The following CLIP1 variants were observed in gnomAD, a reference collection of about 807,000 sequenced individuals.
The protein encoded by CLIP1 is CAP-Gly domain containing linker protein 1, also known as CAP-Gly domain-containing linker protein 1.
In CLIP1, 66 loss-of-function variants were observed where a neutral mutation model predicts 161.6. That is an observed-to-expected ratio of 0.41 (90% CI 0.33 to 0.50). The LOEUF (loss-of-function observed/expected upper bound fraction) is 0.50, where lower values mean the gene tolerates loss of function less well. Ranked by LOEUF, CLIP1 falls within the 20% of genes least tolerant of loss-of-function variation. CLIP1 has a pLI of 0.27. For missense variants in CLIP1, 1,376 were observed against 1,702.0 expected (o/e 0.81, Z 3.37); for synonymous variants, 598 against 626.2 (o/e 0.96, Z 0.67).
chr12:122,360,478 T>C (rs1050112598), intron 5 of CLIP1, among the ~76,000 whole-genome samples: 50 of 150,394 alleles, frequency 3.3e-4, no homozygotes, highest in Admixed American at 2.0e-4. Context: ...TCCCAACTAC[T>C]GGGGAGGCTG....
At chr12:122,292,568 G>A (rs755915195) in intron 20 of CLIP1, among the ~76,000 whole-genome samples, 6 of 152,076 alleles carry the variant, frequency 3.9e-5, no homozygotes, top group Admixed American at 6.6e-5. Flanking sequence ...ATGCACTTCT[G>A]ACTCCTTTAG....
At chr12:122,373,354 C>T (rs558825246) in intron 3 of CLIP1, among the ~76,000 whole-genome samples, 2 of 151,306 alleles carry the variant, frequency 1.3e-5, no homozygotes, top group Admixed American at 1.3e-4. Flanking sequence ...ACCCGGCAGG[C>T]AGAGGTTGCA....
intron 1 of CLIP1, among the ~76,000 whole-genome samples, chr12:122,405,767 A>C (rs1956307176): frequency 6.7e-6 from 1 of 150,048 alleles, no homozygotes; most frequent in Non-Finnish European, 1.5e-5. Flanking sequence ...TCTCAAAAAA[A>C]AAAACAAAAA....
chr12:122,330,127 CA>C (rs948031191), intron 15 of CLIP1, among the ~76,000 whole-genome samples: 1 of 151,076 alleles, frequency 6.6e-6, no homozygotes, highest in African/African-American at 2.4e-5. Context: ...CAAAAAAAAA[CA>C]AAAAACAAAA....
intron 1 of CLIP1, among the ~76,000 whole-genome samples, chr12:122,402,820 G>A (rs1394866895): frequency 3.9e-5 from 6 of 152,036 alleles, no homozygotes; most frequent in Admixed American, 3.9e-4. Context: ...ATATCACCTC[G>A]TCTCTAACAA....
chr12:122,288,266 C>T (rs889330332), intron 21 of CLIP1, among the ~76,000 whole-genome samples: 6 of 152,040 alleles, frequency 3.9e-5, no homozygotes, highest in Admixed American at 1.3e-4. Context: ...ACTCGTGATC[C>T]GCCAGCCTTG....
intron 18 of CLIP1, among the ~76,000 whole-genome samples, chr12:122,317,145 A>G (rs1371561457): frequency 6.6e-6 from 1 of 152,226 alleles, no homozygotes; most frequent in Non-Finnish European, 1.5e-5. Context: ...AATTATCAGC[A>G]CTTATCACTG....
intron 17 of CLIP1, among the ~76,000 whole-genome samples, chr12:122,326,916 T>C (rs987077145): frequency 3.3e-5 from 5 of 152,160 alleles, no homozygotes; most frequent in African/African-American, 1.2e-4. Context: ...AGGGAGAATA[T>C]GGGCCTCCCA....
At chr12:122,380,238 A>G (rs1954954590) in intron 2 of CLIP1, 130 bp downstream of exon 2, 1 of 576,150 alleles carries the variant, frequency 1.7e-6, no homozygotes, top group Admixed American at 3.5e-5. Flanking sequence ...GTTAGATTCC[A>G]TCTCAAAAAA....
intron 4 of CLIP1, among the ~76,000 whole-genome samples, chr12:122,363,477 C>CA (rs1336590282): frequency 6.7e-6 from 1 of 148,262 alleles, no homozygotes; most frequent in African/African-American, 2.5e-5. Context: ...GCCCGGCCAA[C>CA]AGACAGAGGC....
chr12:122,360,986 C>G lies in CLIP1; in HGVS notation c.978G>C (p.Val326=). 6.2e-7 allele frequency: 1 copy of G among 1,613,768 alleles called. No individual in the cohort carries two copies. Among genetic ancestry groups the G allele is most frequent in the Non-Finnish European group, 8.5e-7 (1 of 1,179,994 alleles). ...LSSMSSVASS[V]SSRPSRTGLL... ...GTCCTGTCCGACTGGGCCTGCTGCT[C>G]ACAGAGGAGGCCACTGAGCTCATGG... The change falls in exon 5 of 26, where the codon GTG becomes GTC. Residue 326 remains valine (V), a synonymous_variant. Transcript: ENST00000620786.
intron 1 of CLIP1, among the ~76,000 whole-genome samples, chr12:122,392,387 T>C (rs1955695128): frequency 6.6e-6 from 1 of 152,164 alleles, no homozygotes; most frequent in Non-Finnish European, 1.5e-5. Flanking sequence ...TAATAAGCAA[T>C]CCCCTATAAC....
At chr12:122,374,447 C>T (rs1333215806) in intron 3 of CLIP1, among the ~76,000 whole-genome samples, 1 of 150,296 alleles carries the variant, frequency 6.7e-6, no homozygotes, top group Non-Finnish European at 1.5e-5. Context: ...GGTGAAACCC[C>T]GTCTCTACTA....
At chr12:122,406,069 G>A (rs1956317780) in intron 1 of CLIP1, among the ~76,000 whole-genome samples, 1 of 152,042 alleles carries the variant, frequency 6.6e-6, no homozygotes, top group African/African-American at 2.4e-5. Context: ...TCCATCTGGG[G>A]GATGGGGGGC....
intron 15 of CLIP1, among the ~76,000 whole-genome samples, chr12:122,330,120 A>AAAAAAAC (rs929890294): frequency 6.6e-6 from 1 of 152,232 alleles, no homozygotes; most frequent in African/African-American, 2.4e-5. Context: ...TCCGTCTCAA[A>AAAAAAAC]AAAAAACAAA....
chr12:122,376,711 C>T (rs1214516987), intron 3 of CLIP1, among the ~76,000 whole-genome samples: 2 of 151,984 alleles, frequency 1.3e-5, no homozygotes, highest in East Asian at 3.9e-4. Context: ...ACCTCGTGAT[C>T]CACCCACCTG....
intron 15 of CLIP1, among the ~76,000 whole-genome samples, chr12:122,329,856 G>A (rs994193921): frequency 1.3e-5 from 2 of 151,980 alleles, no homozygotes; most frequent in African/African-American, 2.4e-5. Context: ...GTTGGCTCAC[G>A]CCTGTAATCC....
chr12:122,317,662 A>G (rs764191710), intron 18 of CLIP1, among the ~76,000 whole-genome samples: 5 of 152,198 alleles, frequency 3.3e-5, no homozygotes, highest in Non-Finnish European at 5.9e-5. Flanking sequence ...CTGGGCCTTG[A>G]GAAGTTGTCT....
chr12:122,406,122 G>A (rs975021406), intron 1 of CLIP1, among the ~76,000 whole-genome samples: 1 of 152,132 alleles, frequency 6.6e-6, no homozygotes, highest in Non-Finnish European at 1.5e-5. Flanking sequence ...TACGAAAGAT[G>A]AGTAAATATT....
Sources: gnomAD v4.1 joint callset for allele counts (sites outside exome capture counted in the v4.1 genomes callset) on GRCh38, gnomAD v4.1.1 for gene constraint, MANE v1.5 for transcripts, NCBI Gene and HGNC (gene_info 2026-07-23, HGNC 2026-07-21) for gene names.